The following WBP2NL variants were observed in gnomAD, a reference collection of about 807,000 sequenced individuals.
WBP2NL encodes WBP2 N-terminal like.
WBP2NL carries 27 observed loss-of-function variants against 23.3 expected under a neutral mutation model. That is an observed-to-expected ratio of 1.16 (90% CI 0.85 to 1.60). The LOEUF (loss-of-function observed/expected upper bound fraction) is 1.60, where lower values mean the gene tolerates loss of function less well. Ranked by LOEUF, WBP2NL falls within the 40% of genes most tolerant of loss-of-function variation. The pLI is 0.00. For synonymous variants in WBP2NL, 151 were observed against 145.9 expected, an observed-to-expected ratio of 1.03 and a Z score of -0.25; for missense variants, 370 against 389.5, an observed-to-expected ratio of 0.95 and a Z score of 0.42.
At chr22:42,031,373 G>C (rs1285027338), downstream of WBP2NL, 9 of 152,156 alleles carry the variant, frequency 5.9e-5, no homozygotes, top group Admixed American at 4.6e-4. Flanking sequence ...GAGTTCCTCA[G>C]CTCCTCACTG....
intron 4 of WBP2NL, among the ~76,000 whole-genome samples, chr22:42,020,895 TATATATATATATA>T (rs1400882100): frequency 1.1e-3 from 67 of 61,110 alleles, no homozygotes; most frequent in African/African-American, 2.4e-3. Flanking sequence ...TATATATATA[TATATATATATATA>T]TTTTTTTTTT....
At chr22:42,041,904 G>A (rs1925412392) in intron 8 of WBP2NL, among the ~76,000 whole-genome samples, 1 of 152,136 alleles carries the variant, frequency 6.6e-6, no homozygotes. Flanking sequence ...TGTTTATGTG[G>A]GAAAGACTAT....
chr22:42,013,825 G>T (rs1923062265), intron 1 of WBP2NL, among the ~76,000 whole-genome samples: 1 of 151,554 alleles, frequency 6.6e-6, no homozygotes, highest in East Asian at 1.9e-4. Context: ...CTGTTGCCCA[G>T]ACTGGAGTGC....
At chr22:42,049,720 A>AT (rs1925759885) in intron 8 of WBP2NL, among the ~76,000 whole-genome samples, 1 of 149,954 alleles carries the variant, frequency 6.7e-6, no homozygotes, top group Non-Finnish European at 1.5e-5. Context: ...AAAAAAAAAA[A>AT]AAAAAAAAAA....
downstream of WBP2NL, chr22:42,032,036 T>C (rs575711662): frequency 6.6e-6 from 1 of 152,344 alleles, no homozygotes; most frequent in South Asian, 2.1e-4. Context: ...AAATATTGCA[T>C]GTCTTTGTTT....
Position 42,027,125 on chromosome 22 carries a change from G to C in WBP2NL, c.874G>C (p.Ala292Pro), listed in dbSNP as rs930545405. ...ARPQESTAAQ[A>P]PENEASLPSA... is the part of the protein sequence containing the mutation. Reference sequence around the variant, plus strand: ...GCCTCAGGAATCTACAGCAGCCCAGGCTCCTGAAAACGAGGCTTCTCTTCC... The same window carrying C: ...GCCTCAGGAATCTACAGCAGCCCAGCCTCCTGAAAACGAGGCTTCTCTTCC... Residue 292 changes from alanine (A) to proline (P), a missense_variant, in exon 6 of 6, where the codon GCT becomes CCT. Ala to Pro is a conservative substitution (Grantham distance 27). Transcript: ENST00000328823. 1.9e-6 allele frequency: 3 copies of C among 1,614,004 alleles called. No homozygotes were observed. The highest frequency in any genetic ancestry group is 2.5e-6 in the Non-Finnish European group (3 of 1,179,998).
chr22:42,005,484 A>T (rs1010935284), intron 1 of WBP2NL, among the ~76,000 whole-genome samples: 1 of 144,810 alleles, frequency 6.9e-6, no homozygotes, highest in Non-Finnish European at 1.5e-5. Context: ...ACTGCATTCC[A>T]GCCTGGGTGA....
At chr22:42,006,978 A>G (rs1922312163) in intron 1 of WBP2NL, among the ~76,000 whole-genome samples, 1 of 152,236 alleles carries the variant, frequency 6.6e-6, no homozygotes, top group African/African-American at 2.4e-5. Flanking sequence ...AATCAGAAGA[A>G]AAAATCTGTT....
chr22:42,035,827 C>T (rs967537872), downstream of WBP2NL, among the ~76,000 whole-genome samples: 1 of 152,132 alleles, frequency 6.6e-6, no homozygotes, highest in Non-Finnish European at 1.5e-5. Flanking sequence ...CCCCCTCTTC[C>T]CAGCCCCTGG....
At chr22:42,034,287 T>A (rs552065149), downstream of WBP2NL, among the ~76,000 whole-genome samples, 5 of 152,332 alleles carry the variant, frequency 3.3e-5, no homozygotes, top group South Asian at 1.0e-3. Context: ...AAGCGTCGGC[T>A]GACTTGAGAA....
chr22:42,035,499 C>G (rs1925148846), downstream of WBP2NL, among the ~76,000 whole-genome samples: 1 of 152,274 alleles, frequency 6.6e-6, no homozygotes, highest in African/African-American at 2.4e-5. Context: ...TGGCTTTTGC[C>G]TTCTCCATGG....
At chr22:42,021,938 A>C (rs962245109) in intron 4 of WBP2NL, among the ~76,000 whole-genome samples, 6 of 151,940 alleles carry the variant, frequency 3.9e-5, no homozygotes, top group African/African-American at 1.4e-4. Context: ...CTAGGACCAC[A>C]GGCATGCACC....
chr22:42,015,987 T>G (rs947638889), intron 1 of WBP2NL, among the ~76,000 whole-genome samples: 1 of 151,424 alleles, frequency 6.6e-6, no homozygotes, highest in African/African-American at 2.4e-5. Flanking sequence ...GCTTGGAAAT[T>G]TTTTTTTTCT....
chr22:42,026,598 T>C (rs1256701352), intron 5 of WBP2NL, among the ~76,000 whole-genome samples, 168 bp from the exon 6 acceptor site: 5 of 152,190 alleles, frequency 3.3e-5, no homozygotes, highest in Admixed American at 3.3e-4. Flanking sequence ...CAACAGGAAG[T>C]GATATGCCTT....
At chr22:42,004,584 G>C (rs901072716) in intron 1 of WBP2NL, among the ~76,000 whole-genome samples, 1 of 152,086 alleles carries the variant, frequency 6.6e-6, no homozygotes, top group Non-Finnish European at 1.5e-5. Flanking sequence ...CTGGGTGACA[G>C]AGTGAGACCC....
intron 1 of WBP2NL, among the ~76,000 whole-genome samples, chr22:41,999,939 C>T (rs1290147017): frequency 6.6e-6 from 1 of 152,180 alleles, no homozygotes; most frequent in Non-Finnish European, 1.5e-5. Flanking sequence ...CCTTCAAGCA[C>T]ACTTGTTCAC....
At chr22:42,019,073 T>G (rs527335696) in intron 1 of WBP2NL, among the ~76,000 whole-genome samples, 1 of 151,676 alleles carries the variant, frequency 6.6e-6, no homozygotes, top group East Asian at 1.9e-4. Context: ...ACAAAAAAAT[T>G]AGGCAGGCAT....
chr22:42,016,038 A>C (rs905856262), intron 1 of WBP2NL, among the ~76,000 whole-genome samples: 2 of 151,652 alleles, frequency 1.3e-5, no homozygotes, highest in Non-Finnish European at 2.9e-5. Context: ...CTGGAGTGCA[A>C]TGGGAAGATC....
chr22:42,039,753 C>G (rs1569453835), intron 8 of WBP2NL, among the ~76,000 whole-genome samples: 1 of 151,898 alleles, frequency 6.6e-6, no homozygotes, highest in Non-Finnish European at 1.5e-5. Context: ...TAGCTAAAGG[C>G]TTGATGATTT....
Sources: gnomAD v4.1 joint callset for allele counts (sites outside exome capture counted in the v4.1 genomes callset) on GRCh38, gnomAD v4.1.1 for gene constraint, MANE v1.5 for transcripts, NCBI Gene and HGNC (gene_info 2026-07-23, HGNC 2026-07-21) for gene names.